Variants in PDE3A observed in about 807,000 individuals in gnomAD.
PDE3A encodes the protein cGMP-inhibited 3',5'-cyclic phosphodiesterase 3A.
PDE3A carries 43 observed loss-of-function variants against 98.3 expected under a neutral mutation model. The ratio of observed to expected loss-of-function variants is 0.44; its 90% CI spans 0.34 to 0.56. The LOEUF (loss-of-function observed/expected upper bound fraction) is 0.56, where lower values mean the gene tolerates loss of function less well. Among genes scored for constraint, PDE3A ranks in the 20% least tolerant of loss-of-function variants. The probability of loss-of-function intolerance (pLI) is 0.01; values close to 1 mark genes in which losing one functional copy is unlikely to be tolerated. For missense variants in PDE3A, 1,427 were observed against 1,440.7 expected (o/e 0.99, Z 0.15); for synonymous variants, 663 against 567.9 (o/e 1.17, Z -2.38).
rs1371991818 is a variant in PDE3A at position 20,680,602 on chromosome 12, C to T, written c.*331C>T. On this transcript the variant is annotated 3_prime_UTR_variant, in exon 16 of 16. Coordinates refer to ENST00000359062, the MANE Select transcript of PDE3A (RefSeq NM_000921.5). ...GCACACACATACACACTGAAGGCCA[C>T]GATTGCTGGCTCCACAATTTAGTAA... 8.6e-5 allele frequency: 16 copies of T among 184,986 alleles called. No homozygotes were observed. The highest frequency in any genetic ancestry group is 1.1e-4 in the Non-Finnish European group (10 of 89,336). 11.5% of individuals were successfully genotyped at this position (184,986 alleles called of 1,614,324 possible).
chr12:20,477,168 T>C (rs1418216159), intron 1 of PDE3A, among the ~76,000 whole-genome samples: 2 of 152,150 alleles, frequency 1.3e-5, no homozygotes, highest in Admixed American at 1.3e-4. Context: ...AGGAAAGACA[T>C]GTTTGTGATG....
At chr12:20,673,696 T>A (rs1482372135) in intron 15 of PDE3A, among the ~76,000 whole-genome samples, 3 of 114,092 alleles carry the variant, frequency 2.6e-5, no homozygotes, top group Non-Finnish European at 5.2e-5. Context: ...TGGGGACTGT[T>A]GTGGGGTGGG....
At chr12:20,381,810 T>A (rs1943668408) in intron 1 of PDE3A, among the ~76,000 whole-genome samples, 1 of 151,934 alleles carries the variant, frequency 6.6e-6, no homozygotes, top group Non-Finnish European at 1.5e-5. Flanking sequence ...TTCTCTATTT[T>A]ACATTGAATA....
At chr12:20,385,795 G>T (rs971158248) in intron 1 of PDE3A, among the ~76,000 whole-genome samples, 1 of 149,804 alleles carries the variant, frequency 6.7e-6, no homozygotes, top group Admixed American at 6.8e-5. Context: ...GTTGTGGGGT[G>T]GGGGGAGTGG....
intron 1 of PDE3A, among the ~76,000 whole-genome samples, chr12:20,539,892 G>T (rs755898733): frequency 2.0e-4 from 10 of 50,858 alleles, no homozygotes; most frequent in Non-Finnish European, 3.4e-4. Flanking sequence ...ACGTGAAGTA[G>T]GTAGTCTTAT....
intron 1 of PDE3A, among the ~76,000 whole-genome samples, chr12:20,527,754 AG>A (rs1261727999): frequency 6.6e-6 from 1 of 152,198 alleles, no homozygotes; most frequent in East Asian, 1.9e-4. Context: ...TCTTGAATAA[AG>A]GTTTATACTG....
intron 15 of PDE3A, among the ~76,000 whole-genome samples, chr12:20,675,365 C>A (rs1246565477): frequency 6.6e-6 from 1 of 152,142 alleles, no homozygotes; most frequent in Non-Finnish European, 1.5e-5. Context: ...GTTCCATGTG[C>A]TGACAATGAG....
chr12:20,653,174 A>G (rs1456248366), intron 14 of PDE3A, among the ~76,000 whole-genome samples: 1 of 152,186 alleles, frequency 6.6e-6, no homozygotes, highest in Non-Finnish European at 1.5e-5. Flanking sequence ...TTGTACAGTA[A>G]TATTATTAAA....
At chr12:20,667,086 G>T (rs1174024776) in intron 15 of PDE3A, among the ~76,000 whole-genome samples, 1 of 152,110 alleles carries the variant, frequency 6.6e-6, no homozygotes, top group African/African-American at 2.4e-5. Flanking sequence ...TTTCAGAAAT[G>T]TCTATTCATG....
rs1942251360 is a variant in PDE3A at position 20,552,812 on chromosome 12, A to G, written c.961-3848A>G. The G allele has an allele frequency of 7.4e-6, 12 of 1,613,866 alleles. No individual in the cohort carries two copies. The South Asian group carries it at 1.3e-4, about 18-fold the overall frequency. ...GAGACGTTCCAGTGTATCTGCTGTC[A>G]GGAGCTGGTGTTCCGGCCCATCACG... On this transcript the variant is annotated intron_variant, in intron 1 of 15. Transcript: ENST00000359062. This position sits in a 1 kb window ranked among gnomAD's most constrained non-coding sequence, Gnocchi z 5.1.
intron 1 of PDE3A, among the ~76,000 whole-genome samples, chr12:20,403,707 T>A (rs1306209701): frequency 1.3e-5 from 2 of 152,190 alleles, no homozygotes; most frequent in African/African-American, 4.8e-5. Context: ...ACATTTTGTC[T>A]TTTTTATAAG....
At chr12:20,418,255 G>C (rs578142402) in intron 1 of PDE3A, among the ~76,000 whole-genome samples, 2 of 152,190 alleles carry the variant, frequency 1.3e-5, no homozygotes, top group South Asian at 4.1e-4. Context: ...AAATGTGTCG[G>C]GAGGATTAAA....
chr12:20,393,577 A>G (rs1591880483), intron 1 of PDE3A, among the ~76,000 whole-genome samples: 1 of 152,028 alleles, frequency 6.6e-6, no homozygotes, highest in African/African-American at 2.4e-5. Context: ...ATTATTACAC[A>G]TTGTATACAT....
chr12:20,447,127 C>T (rs1460517107), intron 1 of PDE3A, among the ~76,000 whole-genome samples: 1 of 152,070 alleles, frequency 6.6e-6, no homozygotes, highest in African/African-American at 2.4e-5. Context: ...CACAGATGGG[C>T]AAAGGAGGCA....
At chr12:20,597,850 A>C (rs1444178123) in intron 2 of PDE3A, among the ~76,000 whole-genome samples, 2 of 151,930 alleles carry the variant, frequency 1.3e-5, no homozygotes, top group South Asian at 2.1e-4. Context: ...ATTTCAGTTA[A>C]TATTTGTCAA....
At chr12:20,527,796 CA>C (rs1417441988) in intron 1 of PDE3A, among the ~76,000 whole-genome samples, 1 of 151,964 alleles carries the variant, frequency 6.6e-6, no homozygotes, top group East Asian at 1.9e-4. Flanking sequence ...TACCCGATGC[CA>C]GGGGCAAAAC....
chr12:20,551,758 C>G, intron 1 of PDE3A: 1 of 1,612,938 alleles, frequency 6.2e-7, no homozygotes, highest in South Asian at 1.1e-5. Context: ...GGGAGAGCGG[C>G]TGAGAGAGAG....
At chr12:20,411,502 TA>T (rs1944331926) in intron 1 of PDE3A, among the ~76,000 whole-genome samples, 1 of 139,790 alleles carries the variant, frequency 7.2e-6, no homozygotes, top group East Asian at 2.4e-4. Flanking sequence ...GTGTTGACAT[TA>T]TTCTGCTACT....
At chr12:20,620,100 T>C (rs550413254) in intron 4 of PDE3A, among the ~76,000 whole-genome samples, 1 of 152,210 alleles carries the variant, frequency 6.6e-6, no homozygotes, top group East Asian at 1.9e-4. Context: ...GCATGCATAA[T>C]ATTACTTGCA....
Sources: allele counts gnomAD v4.1 joint callset (sites outside exome capture counted in the v4.1 genomes callset), GRCh38; gene constraint gnomAD v4.1.1; non-coding constraint Gnocchi (gnomAD v3.1); transcripts MANE v1.5; gene names NCBI Gene and HGNC (gene_info 2026-07-23, HGNC 2026-07-21).